The following MFSD11 variants were observed in gnomAD, a reference collection of about 807,000 sequenced individuals.
MFSD11 encodes the protein major facilitator superfamily domain containing 11.
In MFSD11, 36 loss-of-function variants were observed where a neutral mutation model predicts 53.5. That is an observed-to-expected ratio of 0.67 (90% confidence interval 0.52 to 0.89). The LOEUF (loss-of-function observed/expected upper bound fraction) is 0.89. Among genes scored for constraint, MFSD11 ranks in the 40% least tolerant of loss-of-function variants. The pLI is 0.00. For synonymous variants in MFSD11, 186 were observed against 184.9 expected, an observed-to-expected ratio of 1.01 and a Z score of -0.05; for missense variants, 530 against 543.9, an observed-to-expected ratio of 0.97 and a Z score of 0.25.
downstream of MFSD11, among the ~76,000 whole-genome samples, chr17:76,779,881 T>A (rs1378643540): frequency 1.3e-5 from 2 of 152,154 alleles, no homozygotes; most frequent in Non-Finnish European, 2.9e-5. Flanking sequence ...CTAGCAATTT[T>A]CCTGGAAGAT....
At chr17:76,796,200 C>T in the MFSD11 span, among the ~76,000 whole-genome samples, 10 of 152,060 alleles carry the variant, frequency 6.6e-5, no homozygotes, top group Non-Finnish European at 1.2e-4. Flanking sequence ...TCTCTTTCTC[C>T]TTCCTTCTAT....
At chr17:76,784,734 A>G (rs1019620026), downstream of MFSD11, among the ~76,000 whole-genome samples, 15 of 152,010 alleles carry the variant, frequency 9.9e-5, no homozygotes, top group Non-Finnish European at 4.4e-5. Context: ...CCCTGTCTCT[A>G]CTAAAAATAC....
In MFSD11 at chr17:76,765,452, C is replaced by CTTTTTT. The variant is rs59878271; in HGVS notation, c.683-1911_683-1906dup. On this transcript the variant is annotated intron_variant, in intron 8 of 12. Coordinates refer to ENST00000685175, the MANE Select transcript of MFSD11 (RefSeq NM_001242532.5). Reference sequence around the variant, plus strand: ...GGCTATTGTGGGTCCCTTGAATTTCCTTTTTTTTTTTTTTTTTTTTTTTTT... The same window carrying CTTTTTT: ...GGCTATTGTGGGTCCCTTGAATTTCCTTTTTTTTTTTTTTTTTTTTTTTTTTTTTTT... Among the ~76,000 whole-genome samples the CTTTTTT allele has an allele frequency of 1.5e-4, 14 of 91,498 alleles. 1 individual carries two copies. Among genetic ancestry groups the CTTTTTT allele is most frequent in the African/African-American group, 3.2e-4 (7 of 21,720 alleles). 60.0% of individuals were successfully genotyped at this position (91,498 alleles called of 152,430 possible).
At chr17:76,748,196 C>T (rs1244843596) in intron 7 of MFSD11, 4 of 152,096 alleles carry the variant, frequency 2.6e-5, no homozygotes, top group Admixed American at 6.6e-5. Flanking sequence ...GTGGGAAGGG[C>T]GTGGTGGGCT....
intron 11 of MFSD11, among the ~76,000 whole-genome samples, chr17:76,775,760 CA>C (rs2081770957): frequency 6.6e-6 from 1 of 152,186 alleles, no homozygotes; most frequent in Non-Finnish European, 1.5e-5. Context: ...TTTCAGGTTA[CA>C]GATTTTCAGA....
chr17:76,761,937 T>A (rs1023733609), intron 8 of MFSD11, among the ~76,000 whole-genome samples: 1 of 150,238 alleles, frequency 6.7e-6, no homozygotes, highest in Non-Finnish European at 1.5e-5. Flanking sequence ...AAAAAAAAAA[T>A]TCATATACCA....
intron 5 of MFSD11, 30 bp from the exon 6 acceptor site, chr17:76,743,368 A>G (rs368647041): frequency 5.0e-6 from 7 of 1,413,006 alleles, no homozygotes; most frequent in African/African-American, 4.4e-5. Context: ...ATAATTACCC[A>G]ACATCCTATC....
intron 10 of MFSD11, chr17:76,773,179 C>T (rs1465559121): frequency 6.6e-6 from 1 of 152,436 alleles, no homozygotes; most frequent in Non-Finnish European, 1.5e-5. Flanking sequence ...GTGTAGCTTT[C>T]CTTTCTGATA....
intron 8 of MFSD11, among the ~76,000 whole-genome samples, chr17:76,761,312 TA>T (rs2080209351): frequency 1.3e-5 from 2 of 152,206 alleles, no homozygotes; most frequent in Non-Finnish European, 2.9e-5. Flanking sequence ...CCCAGTGGAA[TA>T]ACCAATTTCA....
At chr17:76,750,437 C>T (rs954245889) in intron 7 of MFSD11, among the ~76,000 whole-genome samples, 4 of 144,588 alleles carry the variant, frequency 2.8e-5, no homozygotes, top group Admixed American at 7.0e-5. Flanking sequence ...GGCGCAAACT[C>T]GGCTCCGCCT....
chr17:76,741,483 T>C (rs2078075623), intron 3 of MFSD11, among the ~76,000 whole-genome samples: 1 of 152,036 alleles, frequency 6.6e-6, no homozygotes, highest in Non-Finnish European at 1.5e-5. Context: ...TCTGAAATAA[T>C]AAATTATGGG....
Position 76,776,449 on chromosome 17 carries a change from G to A in MFSD11, c.1093G>A (p.Asp365Asn). ...CTGCAGTTTTCTGTTGGGCCTTGGA[G>A]ACAGCTGCTTTAATACCCAGCTGCT... is the stretch of plus-strand genomic sequence containing the variant. ...ILCSFLLGLGDSCFNTQLLSI... is the reference protein window; with the variant it reads ...ILCSFLLGLGNSCFNTQLLSI... Residue 365 changes from aspartate to asparagine, a missense_variant, in exon 12 of 13, where the codon GAC (aspartate) becomes AAC (asparagine). Physicochemically the swap from Asp to Asn is conservative, Grantham distance 23 (BLOSUM62 1). Coordinates refer to ENST00000685175, the MANE Select transcript of MFSD11 (RefSeq NM_001242532.5). The surrounding 1 kb of genome is among the most constrained non-coding windows in gnomAD (Gnocchi z 4.2). 1 of 1,614,040 alleles carries A rather than the reference G, an allele frequency of 6.2e-7. No homozygotes were observed. Among genetic ancestry groups the A allele is most frequent in the Non-Finnish European group, 8.5e-7 (1 of 1,179,998 alleles).
At chr17:76,799,955 C>CAT in the MFSD11 span, among the ~76,000 whole-genome samples, 1 of 138,862 alleles carries the variant, frequency 7.2e-6, no homozygotes, top group Non-Finnish European at 1.5e-5. Context: ...TTTCTTTTTC[C>CAT]TTTTTTTTTT....
At chr17:76,736,684 G>A (rs1255314116), upstream of MFSD11, 7 of 1,251,044 alleles carry the variant, frequency 5.6e-6, no homozygotes, top group Admixed American at 4.2e-5. Context: ...GACGCGGCGT[G>A]CACCCCCGCC....
the MFSD11 span, among the ~76,000 whole-genome samples, chr17:76,792,338 C>T: frequency 1.3e-5 from 2 of 151,196 alleles, no homozygotes; most frequent in Admixed American, 6.6e-5. Flanking sequence ...AGGCTGGTCT[C>T]GAGCTCCTGA....
chr17:76,740,173 C>CAA (rs11289503), intron 2 of MFSD11, among the ~76,000 whole-genome samples: 1 of 76,670 alleles, frequency 1.3e-5, no homozygotes, highest in Non-Finnish European at 2.7e-5. Context: ...GGCTCCGTCT[C>CAA]AAAAAAAAAA....
At chr17:76,765,453 T>C (rs12941252) in intron 8 of MFSD11, among the ~76,000 whole-genome samples, 2 of 92,550 alleles carry the variant, frequency 2.2e-5, no homozygotes. Flanking sequence ...TTGAATTTCC[T>C]TTTTTTTTTT....
Position 76,738,176 on chromosome 17 carries a change from C to T in MFSD11, c.-177C>T. 1 of 607,098 alleles carries T rather than the reference C, an allele frequency of 1.6e-6. No individual in the cohort carries two copies. The highest frequency in any genetic ancestry group is 3.0e-5 in the Admixed American group (1 of 33,478). The allele number at this position is 607,098 out of a possible 1,614,324, so 37.6% of individuals were successfully genotyped here. On this transcript the variant is annotated 5_prime_UTR_variant, in exon 1 of 13. Coordinates refer to ENST00000685175, the MANE Select transcript of MFSD11 (RefSeq NM_001242532.5). ...GTATCCTAACTGCCGGTGGGGAGAA[C>T]TTCGCCCTAAACCTGGGGTTCCGAT...
At chr17:76,762,656 CAAAAA>C (rs35436399) in intron 8 of MFSD11, among the ~76,000 whole-genome samples, 1 of 76,148 alleles carries the variant, frequency 1.3e-5, no homozygotes, top group Non-Finnish European at 2.8e-5. Flanking sequence ...ACTCCGTCTC[CAAAAA>C]AAAAAAAAAA....
Sources: gnomAD v4.1 joint callset for allele counts (sites outside exome capture counted in the v4.1 genomes callset) on GRCh38, gnomAD v4.1.1 for gene constraint, Gnocchi (gnomAD v3.1) non-coding constraint, MANE v1.5 for transcripts, NCBI Gene and HGNC (gene_info 2026-07-23, HGNC 2026-07-21) for gene names.